The following EFCAB5 variants were observed in gnomAD, a reference collection of about 807,000 sequenced individuals.
EFCAB5 encodes the protein EF-hand calcium-binding domain-containing protein 5.
A neutral mutation model predicts 167.9 loss-of-function variants in EFCAB5; 131 were observed. The ratio of observed to expected loss-of-function variants is 0.78; its 90% CI spans 0.68 to 0.90. The LOEUF (loss-of-function observed/expected upper bound fraction) is 0.90. EFCAB5 is among the 40% of genes least tolerant of loss of function. The pLI, the probability that EFCAB5 is intolerant of heterozygous loss-of-function variation, is 0.00. For synonymous variants in EFCAB5, 574 were observed against 602.8 expected, an observed-to-expected ratio of 0.95 and a Z score of 0.70; for missense variants, 1,663 against 1,745.2, an observed-to-expected ratio of 0.95 and a Z score of 0.84.
intron 7 of EFCAB5, among the ~76,000 whole-genome samples, chr17:30,017,235 A>G (rs960839079): frequency 2.0e-5 from 3 of 152,142 alleles, no homozygotes; most frequent in Non-Finnish European, 4.4e-5. Flanking sequence ...CACAAAAAAT[A>G]GAATAACAAT....
At chr17:30,029,630 A>T (rs2069425399) in intron 7 of EFCAB5, among the ~76,000 whole-genome samples, 1 of 151,952 alleles carries the variant, frequency 6.6e-6, no homozygotes, top group African/African-American at 2.4e-5. Context: ...GGCTATAGGA[A>T]CACACCATTT....
chr17:30,003,107 G>A (rs546942865), intron 7 of EFCAB5, among the ~76,000 whole-genome samples: 27 of 139,184 alleles, frequency 1.9e-4, no homozygotes, highest in Middle Eastern at 3.9e-3. Context: ...AGCGGGGGGG[G>A]GGTCTGATAT....
At chr17:29,993,916 C>T (rs1011771961) in intron 5 of EFCAB5, among the ~76,000 whole-genome samples, 7 of 151,352 alleles carry the variant, frequency 4.6e-5, no homozygotes, top group Non-Finnish European at 7.4e-5. Flanking sequence ...GCCAGGAATT[C>T]GAGACCAGCC....
intron 3 of EFCAB5, among the ~76,000 whole-genome samples, chr17:29,944,249 A>C (rs1192367200): frequency 6.6e-6 from 1 of 151,484 alleles, no homozygotes; most frequent in Non-Finnish European, 1.5e-5. Context: ...CTAGTTTTTT[A>C]TTTTTTATTT....
At chr17:29,981,594 C>T (rs939204143) in intron 4 of EFCAB5, among the ~76,000 whole-genome samples, 1 of 152,196 alleles carries the variant, frequency 6.6e-6, no homozygotes, top group Non-Finnish European at 1.5e-5. Flanking sequence ...GTCATAGTCA[C>T]CACTGAATCC....
chr17:30,083,162 C>T (rs2071023824), intron 18 of EFCAB5, 119 bp downstream of exon 18: 1 of 1,314,822 alleles, frequency 7.6e-7, no homozygotes, highest in Admixed American at 3.0e-5. Context: ...GACAGATTTC[C>T]CAATACAAGA....
chr17:29,953,569 A>G (rs1355668500), intron 3 of EFCAB5, among the ~76,000 whole-genome samples: 1 of 152,118 alleles, frequency 6.6e-6, no homozygotes, highest in Non-Finnish European at 1.5e-5. Context: ...TTTGCCTTCC[A>G]CCGTCATTGT....
chr17:30,088,859 C>T (rs1299490610), intron 19 of EFCAB5, among the ~76,000 whole-genome samples: 3 of 152,230 alleles, frequency 2.0e-5, no homozygotes, highest in Non-Finnish European at 4.4e-5. Context: ...CTCTTTTCCA[C>T]ATAGTTATTC....
In EFCAB5 at chr17:30,057,880, C is replaced by A; in HGVS notation, c.2570C>A (p.Ala857Asp). Residue 857 changes from alanine to aspartate, a missense_variant, in exon 13 of 23, where the codon GCC becomes GAC. Ala to Asp is a moderately radical substitution (Grantham distance 126, BLOSUM62 -2). Transcript: ENST00000394835. ...GAAACAGAACAAGAGAAAATGAATG[C>A]CTTAGAACAGGTGGGTAATATTATT... ...YVETEQEKMN[A>D]LEQFSQNAFQ... 6.2e-7 allele frequency: 1 copy of A among 1,612,354 alleles called. No homozygotes were observed. Among genetic ancestry groups the A allele is most frequent in the Non-Finnish European group, 8.5e-7 (1 of 1,179,056 alleles).
At chr17:30,052,822 C>G (rs1453672181) in intron 9 of EFCAB5, among the ~76,000 whole-genome samples, 2 of 152,000 alleles carry the variant, frequency 1.3e-5, no homozygotes, top group Non-Finnish European at 2.9e-5. Context: ...AAAACATAGC[C>G]CCATTGAAAG....
chr17:30,026,883 T>C (rs1425520491), intron 7 of EFCAB5, among the ~76,000 whole-genome samples: 2 of 147,520 alleles, frequency 1.4e-5, no homozygotes, highest in Non-Finnish European at 3.0e-5. Context: ...GCAGGGGGCA[T>C]CTTTCACAAG....
At chr17:30,098,775 C>G (rs910977211) in intron 22 of EFCAB5, among the ~76,000 whole-genome samples, 1 of 152,126 alleles carries the variant, frequency 6.6e-6, no homozygotes, top group Non-Finnish European at 1.5e-5. Context: ...TTTTCATCAC[C>G]CCAAATAGAA....
At chr17:30,073,173 AGACTCCTGAGCAACTGG>A (rs1465277357) in intron 14 of EFCAB5, 5 of 697,980 alleles carry the variant, frequency 7.2e-6, no homozygotes, top group Non-Finnish European at 1.3e-5. Context: ...ATCCCATCAC[AGACTCCTGAGCAACTGG>A]GACTACAGGT....
At chr17:30,069,461 G>GCTGA in intron 14 of EFCAB5, 1 of 1,574,250 alleles carries the variant, frequency 6.4e-7, no homozygotes, top group Non-Finnish European at 8.7e-7. Context: ...GCAACAGGAA[G>GCTGA]CTGAGATTGA....
intron 14 of EFCAB5, among the ~76,000 whole-genome samples, chr17:30,065,918 T>C (rs987780313): frequency 6.6e-6 from 1 of 150,870 alleles, no homozygotes; most frequent in Non-Finnish European, 1.5e-5. Context: ...TAAACATATA[T>C]GCACCCAACG....
Position 30,107,851 on chromosome 17 carries a change from G to A in EFCAB5, c.4339G>A (p.Val1447Ile). 2.5e-6 allele frequency: 4 copies of A among 1,573,784 alleles called. No individual in the cohort carries two copies. Among genetic ancestry groups the A allele is most frequent in the Non-Finnish European group, 3.4e-6 (4 of 1,165,960 alleles). Reference sequence around the variant, plus strand: ...TGATGCAGATCATTCCCGAACTGAAGTATGGAAATTTGGTAATGTTGTCAT... The same window carrying A: ...TGATGCAGATCATTCCCGAACTGAAATATGGAAATTTGGTAATGTTGTCAT... ...EYIRDHSRTE[V>I]WKFGNVVIEH... The change falls in exon 23 of 23, where the codon GTA becomes ATA. Residue 1447 changes from valine (V) to isoleucine (I), a missense_variant. Transcript: ENST00000394835.
chr17:29,974,876 A>T (rs2151593328), intron 4 of EFCAB5, among the ~76,000 whole-genome samples: 1 of 152,118 alleles, frequency 6.6e-6, no homozygotes, highest in Non-Finnish European at 1.5e-5. Flanking sequence ...GGCACAAAAT[A>T]TTATTCATCT....
At chr17:30,036,692 C>G (rs1157755455) in intron 8 of EFCAB5, among the ~76,000 whole-genome samples, 2 of 152,024 alleles carry the variant, frequency 1.3e-5, no homozygotes, top group African/African-American at 4.8e-5. Flanking sequence ...CTCCCAAAGC[C>G]CTGGGATTAC....
chr17:30,057,822 A>G lies in EFCAB5; in HGVS notation c.2512A>G (p.Thr838Ala). 1.2e-6 allele frequency: 2 copies of G among 1,613,614 alleles called. No homozygotes were observed. The highest frequency in any genetic ancestry group is 1.6e-4 in the Middle Eastern group (1 of 6,062). Reference sequence around the variant, plus strand: ...AGACGCTCCCTTGAGTGTCAGCGAGACTCTCACCTCCTTTTTTAAGGAGGG... The same window carrying G: ...AGACGCTCCCTTGAGTGTCAGCGAGGCTCTCACCTCCTTTTTTAAGGAGGG... ...GEDAPLSVSE[T>A]LTSFFKEGYV... Residue 838 changes from threonine (T) to alanine (A), a missense_variant, in exon 13 of 23, where the codon ACT becomes GCT. Physicochemically the swap from Thr to Ala is moderately conservative, Grantham distance 58. Transcript: ENST00000394835.
Sources: gnomAD v4.1 joint callset for allele counts (sites outside exome capture counted in the v4.1 genomes callset) on GRCh38, gnomAD v4.1.1 for gene constraint, MANE v1.5 for transcripts, NCBI Gene and HGNC (gene_info 2026-07-23, HGNC 2026-07-21) for gene names.